CELSR1: variants seen among roughly 807,000 people sequenced by gnomAD.
CELSR1 encodes the protein adhesion G protein-coupled receptor C1.
Under a neutral mutation model 249.1 loss-of-function variants are expected in CELSR1, and 110 were observed. That is an observed-to-expected ratio of 0.44 (90% CI 0.38 to 0.52). The LOEUF (loss-of-function observed/expected upper bound fraction) is 0.52, where lower values mean the gene tolerates loss of function less well. Ranked by LOEUF, CELSR1 falls within the 20% of genes least tolerant of loss-of-function variation. The pLI, the probability that CELSR1 is intolerant of heterozygous loss-of-function variation, is 0.00. For synonymous variants in CELSR1, 2,113 were observed against 1,900.0 expected, an observed-to-expected ratio of 1.11 and a Z score of -2.92; for missense variants, 4,109 against 4,296.4, an observed-to-expected ratio of 0.96 and a Z score of 1.22.
chr22:46,477,753 G>A (rs961854140), intron 1 of CELSR1, among the ~76,000 whole-genome samples: 1 of 152,066 alleles, frequency 6.6e-6, no homozygotes, highest in Non-Finnish European at 1.5e-5. Context: ...TGATCCACCC[G>A]CCTCAGCCTC....
intron 2 of CELSR1, among the ~76,000 whole-genome samples, chr22:46,462,306 A>G (rs1357578955): frequency 6.6e-6 from 1 of 152,186 alleles, no homozygotes; most frequent in Non-Finnish European, 1.5e-5. Context: ...CCAGAGGGCC[A>G]CCAACCTGGA....
intron 1 of CELSR1, among the ~76,000 whole-genome samples, chr22:46,524,533 G>A (rs1366828765): frequency 3.6e-5 from 5 of 138,420 alleles, no homozygotes; most frequent in Admixed American, 6.9e-5. Context: ...CCCCACCCCC[G>A]TTGTGTGCGT....
chr22:46,460,257 T>C (rs962661381), intron 2 of CELSR1, among the ~76,000 whole-genome samples: 1 of 151,556 alleles, frequency 6.6e-6, no homozygotes, highest in Non-Finnish European at 1.5e-5. Context: ...GACAGAGACA[T>C]GGAAGTGTGT....
Position 46,457,696 on chromosome 22 carries a change from C to T in CELSR1, c.4183+6011G>A, listed in dbSNP as rs568468477. 2.6e-5 allele frequency among the ~76,000 whole-genome samples: 4 copies of T among 152,370 alleles called. No individual in the cohort carries two copies. The South Asian group carries it at 8.3e-4, about 32-fold the overall frequency. The stretch of plus-strand genomic sequence containing the variant: ...CCCAGAGGCCTGGAGCCCACACTCC[C>T]GCTCACAGCTGTGATGAGCACGAGG... On this transcript the variant is annotated intron_variant, in intron 2 of 34. Transcript: ENST00000674500.
intron 2 of CELSR1, among the ~76,000 whole-genome samples, chr22:46,455,645 G>A (rs779103444): frequency 3.3e-5 from 5 of 152,276 alleles, no homozygotes; most frequent in African/African-American, 4.8e-5. Flanking sequence ...AGTTTGTGCC[G>A]ATCGGTTACA....
Position 46,391,275 on chromosome 22 carries a change from C to T in CELSR1, c.6161G>A (p.Gly2054Asp), listed in dbSNP as rs373457009. The change falls in exon 16 of 35, where the codon GGC becomes GAC. Residue 2054 changes from glycine (G) to aspartate (D), a missense_variant. Gly to Asp is a moderately conservative substitution (Grantham distance 94). Coordinates refer to ENST00000674500, the MANE Select transcript of CELSR1 (RefSeq NM_001378328.1). The surrounding 1 kb of genome is among the most constrained non-coding windows in gnomAD (Gnocchi z 4.3). ...GCCGGCCTCAAATGCTTTGGGACAG[C>T]CATTGTAGATCACTGGGGTAGAGAA... The part of the protein sequence containing the change: ...TTLGCEVIYN[G>D]CPKAFEAGIW... The T allele has an allele frequency of 7.4e-6, 12 of 1,613,534 alleles. No individual in the cohort carries two copies. The African/African-American group carries it at 1.5e-4, about 20-fold the overall frequency.
rs1341351647 is a variant in CELSR1, at chr22:46,408,933, G to A, written c.5226+63C>T. The stretch of plus-strand genomic sequence containing the variant: ...CCGAGTGTGCACCAGGAAGCCCAGC[G>A]CCTGGGTCCCTCCCTCGGGCACCCA... On this transcript the variant is annotated intron_variant, in intron 9 of 34. Coordinates refer to ENST00000674500, the MANE Select transcript of CELSR1 (RefSeq NM_001378328.1). The surrounding 1 kb of genome is among the most constrained non-coding windows in gnomAD (Gnocchi z 4.6). 1.2e-5 allele frequency: 16 copies of A among 1,384,182 alleles called. No homozygotes were observed. Among genetic ancestry groups the A allele is most frequent in the South Asian group, 2.9e-5 (2 of 68,912 alleles). The allele number at this position is 1,384,182 out of a possible 1,614,324, so 85.7% of individuals were successfully genotyped here. A position where few individuals can be genotyped will look rare whatever the true frequency, so the allele number is the denominator to read the frequency against.
chr22:46,371,730 T>TCCAC (rs1319836147), intron 25 of CELSR1, among the ~76,000 whole-genome samples: 1 of 144,072 alleles, frequency 6.9e-6, no homozygotes, highest in East Asian at 2.2e-4. Flanking sequence ...CACCCATCCA[T>TCCAC]CCACTCACTC....
In CELSR1 at chr22:46,409,813, C is replaced by A. The variant is rs1424448888; in HGVS notation, c.5001G>T (p.Arg1667Ser). The change falls in exon 8 of 35, where the codon AGG (arginine) becomes AGT (serine). Residue 1667 changes from arginine to serine, a missense_variant. By Grantham distance (110) the Arg-to-Ser change is moderately radical. This residue lies in a region of CELSR1 where 453 missense variants were observed against 492.0 expected (regional missense o/e 0.92). Transcript: ENST00000674500. This position sits in a 1 kb window ranked among gnomAD's most constrained non-coding sequence, Gnocchi z 9.8. ...RCQNGGTCVN[R>S]WNMYLCECPL... ...GACACTCACACAGATACATATTCCACCTGTTGACACAGGTGCCTCCATTCT... is the reference window on the plus strand; with the variant it reads ...GACACTCACACAGATACATATTCCAACTGTTGACACAGGTGCCTCCATTCT... 10 of 1,613,910 alleles carry A rather than the reference C, an allele frequency of 6.2e-6. No homozygotes were observed. The highest frequency in any genetic ancestry group is 8.5e-6 in the Non-Finnish European group (10 of 1,180,026).
At chr22:46,453,573 T>C (rs150896546) in intron 2 of CELSR1, among the ~76,000 whole-genome samples, 8 of 152,306 alleles carry the variant, frequency 5.3e-5, no homozygotes, top group East Asian at 1.9e-4. Flanking sequence ...GTGATTAACC[T>C]GGCCCCTGGC....
In CELSR1 at chr22:46,391,296, G is replaced by A. The variant is rs539128880; in HGVS notation, c.6149-9C>T. On this transcript the variant is annotated splice_polypyrimidine_tract_variant and intron_variant, in intron 15 of 34. Coordinates refer to ENST00000674500, the MANE Select transcript of CELSR1 (RefSeq NM_001378328.1). The surrounding 1 kb of genome is among the most constrained non-coding windows in gnomAD (Gnocchi z 4.3). ...ACAGCCATTGTAGATCACTGGGGTA[G>A]AGAAGAGAGAAGTCTGCTCAGCGGG... is the stretch of plus-strand genomic sequence containing the variant. The A allele has an allele frequency of 6.2e-7, 1 of 1,611,624 alleles. No homozygotes were observed. The highest frequency in any genetic ancestry group is 1.1e-5 in the South Asian group (1 of 90,996).
At chr22:46,489,128 G>C (rs11913768) in intron 1 of CELSR1, among the ~76,000 whole-genome samples, 5,483 of 152,002 alleles carry the variant, frequency 0.036, 343 homozygotes, top group African/African-American at 0.13. Context: ...CCAAATGCAC[G>C]ATTATTTCCC....
At chr22:46,524,714 G>T (rs1171978908) in intron 1 of CELSR1, among the ~76,000 whole-genome samples, 1 of 152,106 alleles carries the variant, frequency 6.6e-6, no homozygotes, top group Non-Finnish European at 1.5e-5. Flanking sequence ...CCAAAAGGGG[G>T]ACCTGATTAC....
rs2079079644 is a variant in CELSR1, at chr22:46,390,592, G to A, written c.6251-106C>T. ...TATACTTAAACCCAGAACACTGCGT[G>A]GTGGTTAGAACCCCATGGGGGCCAG... On this transcript the variant is annotated intron_variant, in intron 16 of 34. Coordinates refer to ENST00000674500, the MANE Select transcript of CELSR1 (RefSeq NM_001378328.1). The surrounding 1 kb of genome is among the most constrained non-coding windows in gnomAD (Gnocchi z 6.3). The A allele has an allele frequency of 2.1e-6, 2 of 934,192 alleles. No individual in the cohort carries two copies. Among genetic ancestry groups the A allele is most frequent in the Admixed American group, 4.4e-5 (2 of 45,606 alleles). 57.9% of individuals were successfully genotyped at this position (934,192 alleles called of 1,614,324 possible).
At chr22:46,492,245 TCTCATTTCA>T (rs2080374553) in intron 1 of CELSR1, among the ~76,000 whole-genome samples, 1 of 152,186 alleles carries the variant, frequency 6.6e-6, no homozygotes, top group South Asian at 2.1e-4. Flanking sequence ...CACAGGCTAG[TCTCATTTCA>T]AAACACAAGT....
rs1284834154 is a variant in CELSR1 at position 46,413,926 on chromosome 22, T to G, written c.4612-2167A>C. ...TTTTTGGGGCTGGGCGTGAGACTAC[T>G]GGAGGAAGGGCGTAAGTAGCATTTA... On this transcript the variant is annotated intron_variant, in intron 5 of 34. Transcript: ENST00000674500. The surrounding 1 kb of genome is among the most constrained non-coding windows in gnomAD (Gnocchi z 4.7). 6.6e-6 allele frequency among the ~76,000 whole-genome samples: 1 copy of G among 152,302 alleles called. No individual in the cohort carries two copies. Among genetic ancestry groups the G allele is most frequent in the East Asian group, 1.9e-4 (1 of 5,182 alleles).
chr22:46,488,694 C>T lies in CELSR1; in HGVS notation c.3545-24349G>A, dbSNP rs1314777236. ...TTTTTTTTTGAGACGGAGTCTTGCT[C>T]TGTCACCCAGGCTGGAGTTCAGTGG... On this transcript the variant is annotated intron_variant, in intron 1 of 34. Transcript: ENST00000674500. The surrounding 1 kb of genome is among the most constrained non-coding windows in gnomAD (Gnocchi z 4.7). Among the ~76,000 whole-genome samples, 2 of 150,044 alleles carry T rather than the reference C, an allele frequency of 1.3e-5. No individual in the cohort carries two copies. The highest frequency in any genetic ancestry group is 2.0e-4 in the East Asian group (1 of 5,068).
rs1252005718 is a variant in CELSR1 at position 46,398,999 on chromosome 22, C to T, written c.5413-362G>A. On this transcript the variant is annotated intron_variant, in intron 10 of 34. Coordinates refer to ENST00000674500, the MANE Select transcript of CELSR1 (RefSeq NM_001378328.1). This position sits in a 1 kb window ranked among gnomAD's most constrained non-coding sequence, Gnocchi z 7.2. Reference sequence around the variant, plus strand: ...ACTGCAGTGAACGGAAATCCGCTCACTCATTAACACTGTGGGAACCCAAGA... The same window carrying T: ...ACTGCAGTGAACGGAAATCCGCTCATTCATTAACACTGTGGGAACCCAAGA... Among the ~76,000 whole-genome samples, 1 of 152,238 alleles carries T rather than the reference C, an allele frequency of 6.6e-6. No homozygotes were observed. The highest frequency in any genetic ancestry group is 1.5e-5 in the Non-Finnish European group (1 of 68,040).
intron 2 of CELSR1, among the ~76,000 whole-genome samples, chr22:46,449,854 C>T (rs938725378): frequency 3.3e-5 from 5 of 152,170 alleles, no homozygotes; most frequent in East Asian, 1.9e-4. Context: ...GGCTCCTCGC[C>T]AAGCCCTTTC....
Sources: gnomAD v4.1 joint callset for allele counts (sites outside exome capture counted in the v4.1 genomes callset) on GRCh38, gnomAD v4.1.1 for gene constraint, gnomAD v4.1.1 regional missense constraint, Gnocchi (gnomAD v3.1) non-coding constraint, MANE v1.5 for transcripts, NCBI Gene and HGNC (gene_info 2026-07-23, HGNC 2026-07-21) for gene names.